The following CCAR1 variants were observed in gnomAD, a reference collection of about 807,000 sequenced individuals.
CCAR1 encodes cell division cycle and apoptosis regulator 1.
In CCAR1, 78 loss-of-function variants were observed where a neutral mutation model predicts 163.8. That is an observed-to-expected ratio of 0.48 (90% CI 0.40 to 0.57). CCAR1 has a LOEUF of 0.57. Ranked by LOEUF, CCAR1 falls within the 20% of genes least tolerant of loss-of-function variation. The probability of loss-of-function intolerance (pLI) is 0.00; values close to 1 mark genes in which losing one functional copy is unlikely to be tolerated. For synonymous variants in CCAR1, 443 were observed against 460.7 expected, an observed-to-expected ratio of 0.96 and a Z score of 0.49; for missense variants, 1,019 against 1,365.2, an observed-to-expected ratio of 0.75 and a Z score of 4.00.
At chr10:68,757,886 G>C (rs184875126) in intron 15 of CCAR1, among the ~76,000 whole-genome samples, 2 of 149,502 alleles carry the variant, frequency 1.3e-5, no homozygotes, top group South Asian at 4.3e-4. Context: ...GACTATAGGC[G>C]CCTGCCACCA....
chr10:68,773,539 C>T (rs2056627728), intron 19 of CCAR1, among the ~76,000 whole-genome samples: 1 of 151,956 alleles, frequency 6.6e-6, no homozygotes, highest in Non-Finnish European at 1.5e-5. Context: ...TGGCGCGTGC[C>T]TATAATCCCA....
intron 5 of CCAR1, 46 bp downstream of exon 5, chr10:68,740,707 T>C (rs775507545): frequency 9.7e-6 from 14 of 1,447,442 alleles, no homozygotes; most frequent in Non-Finnish European, 1.3e-5. Context: ...GAATGAACAG[T>C]AGACTAAAGC....
intron 2 of CCAR1, among the ~76,000 whole-genome samples, chr10:68,727,145 G>A (rs1309429080): frequency 7.0e-6 from 1 of 143,872 alleles, no homozygotes; most frequent in Non-Finnish European, 1.5e-5. Context: ...TGGGCTCACT[G>A]CAATCTCTGC....
chr10:68,788,116 T>C (rs1405995591), intron 22 of CCAR1, 27 bp from the exon 23 acceptor site: 18 of 1,526,672 alleles, frequency 1.2e-5, no homozygotes, highest in Non-Finnish European at 1.6e-5. Context: ...AATAACTTAC[T>C]AAAATATGGT....
chr10:68,737,802 G>C (rs201860946), intron 3 of CCAR1, 43 bp from the exon 4 acceptor site: 1 of 1,120,946 alleles, frequency 8.9e-7, no homozygotes, highest in African/African-American at 1.6e-5. Flanking sequence ...AATAAATTTA[G>C]TGTCTGTATT....
At chr10:68,725,413 A>C (rs2055928885) in intron 2 of CCAR1, among the ~76,000 whole-genome samples, 1 of 152,132 alleles carries the variant, frequency 6.6e-6, no homozygotes, top group Non-Finnish European at 1.5e-5. Context: ...AAATAAATAA[A>C]AATAAAGTCA....
intron 16 of CCAR1, among the ~76,000 whole-genome samples, chr10:68,762,849 G>A (rs2056490428): frequency 6.6e-6 from 1 of 152,060 alleles, no homozygotes; most frequent in Non-Finnish European, 1.5e-5. Flanking sequence ...AAAGAAAGAA[G>A]TGGTTAAAGG....
chr10:68,760,835 G>T, intron 15 of CCAR1, 172 bp from the exon 16 acceptor site: 1 of 430,006 alleles, frequency 2.3e-6, no homozygotes, highest in South Asian at 3.5e-5. Flanking sequence ...CTGCACTCCA[G>T]CCTGGGCGAC....
At chr10:68,741,145 A>G (rs569785202) in intron 5 of CCAR1, among the ~76,000 whole-genome samples, 1 of 151,964 alleles carries the variant, frequency 6.6e-6, no homozygotes, top group African/African-American at 2.4e-5. Flanking sequence ...CCTAAGGTCC[A>G]GACCTTAGGT....
chr10:68,726,639 A>G (rs1039508893), intron 2 of CCAR1, among the ~76,000 whole-genome samples: 1 of 151,768 alleles, frequency 6.6e-6, no homozygotes, highest in East Asian at 1.9e-4. Flanking sequence ...GATAATCCTT[A>G]TTTTTCCTCC....
chr10:68,735,031 A>C (rs1379298714), intron 2 of CCAR1, among the ~76,000 whole-genome samples: 1 of 152,158 alleles, frequency 6.6e-6, no homozygotes, highest in Non-Finnish European at 1.5e-5. Context: ...TTAATTTCTC[A>C]GTACAGTAGT....
In CCAR1 at chr10:68,791,328, A is replaced by G; in HGVS notation, c.*62A>G. On this transcript the variant is annotated 3_prime_UTR_variant, in exon 25 of 25. Transcript: ENST00000265872. ...ATGTAATATATAAAAATCATGATAT[A>G]AGAATGTTTGAAGGTGATGCATGTT... 8.6e-7 allele frequency: 1 copy of G among 1,168,434 alleles called. No individual in the cohort carries two copies. The highest frequency in any genetic ancestry group is 1.2e-6 in the Non-Finnish European group (1 of 807,378). 72.4% of individuals were successfully genotyped at this position (1,168,434 alleles called of 1,614,324 possible). A position where few individuals can be genotyped will look rare whatever the true frequency, so the allele number is the denominator to read the frequency against.
intron 21 of CCAR1, 134 bp downstream of exon 21, chr10:68,786,826 T>A: frequency 1.5e-6 from 1 of 687,952 alleles, no homozygotes; most frequent in Non-Finnish European, 2.3e-6. Flanking sequence ...GGCTCACACC[T>A]ATAATCCCAG....
Position 68,750,780 on chromosome 10 carries a change from A to G in CCAR1, c.1118+1095A>G, listed in dbSNP as rs115715495. Among the ~76,000 whole-genome samples the G allele has an allele frequency of 2.9e-3, 440 of 152,314 alleles. 3 individuals are homozygous for G. Among genetic ancestry groups the G allele is most frequent in the African/African-American group, 9.9e-3 (411 of 41,560 alleles). On this transcript the variant is annotated intron_variant, in intron 10 of 24. Coordinates refer to ENST00000265872, the MANE Select transcript of CCAR1 (RefSeq NM_018237.4). Reference sequence around the variant, plus strand: ...CTGTTTAGCCTAAAAGCAAATAGCTATATGCAATGCAGTGGCCTAAGAGGA... The same window carrying G: ...CTGTTTAGCCTAAAAGCAAATAGCTGTATGCAATGCAGTGGCCTAAGAGGA...
chr10:68,755,207 A>G, intron 12 of CCAR1, 163 bp from the exon 13 acceptor site: 3 of 773,076 alleles, frequency 3.9e-6, no homozygotes, highest in Non-Finnish European at 7.1e-6. Flanking sequence ...TCCATTGCTG[A>G]AATGCAGTGT....
chr10:68,751,140 C>T (rs1197836107), intron 10 of CCAR1, among the ~76,000 whole-genome samples: 1 of 151,660 alleles, frequency 6.6e-6, no homozygotes, highest in East Asian at 1.9e-4. Context: ...CAATTCTCCT[C>T]CCTCAGCCTC....
intron 19 of CCAR1, among the ~76,000 whole-genome samples, chr10:68,777,453 CG>C (rs1298202177): frequency 6.6e-6 from 1 of 151,890 alleles, no homozygotes; most frequent in East Asian, 1.9e-4. Context: ...GAGGCCGAGG[CG>C]GGTGGATAAT....
intron 16 of CCAR1, among the ~76,000 whole-genome samples, chr10:68,764,341 TC>T (rs1411650657): frequency 2.0e-5 from 3 of 150,572 alleles, no homozygotes; most frequent in Non-Finnish European, 4.4e-5. Context: ...ACTGAATTGT[TC>T]AGGATAGATG....
chr10:68,724,477 C>G (rs888929802), intron 2 of CCAR1, among the ~76,000 whole-genome samples: 1 of 151,988 alleles, frequency 6.6e-6, no homozygotes, highest in Non-Finnish European at 1.5e-5. Context: ...AAAATTGAGT[C>G]GGAGGTCTCA....
Sources: gnomAD v4.1 joint callset for allele counts (sites outside exome capture counted in the v4.1 genomes callset) on GRCh38, gnomAD v4.1.1 for gene constraint, MANE v1.5 for transcripts, NCBI Gene and HGNC (gene_info 2026-07-23, HGNC 2026-07-21) for gene names.